The following ESRRG variants were observed in gnomAD, a reference collection of about 807,000 sequenced individuals.
ESRRG encodes estrogen-related receptor gamma.
Under a neutral mutation model 44.0 loss-of-function variants are expected in ESRRG, and 13 were observed. The observed-to-expected ratio is 0.30, with a 90% confidence interval of 0.19 to 0.47. The LOEUF is 0.47. Ranked by LOEUF, ESRRG falls within the 20% of genes least tolerant of loss-of-function variation. ESRRG has a pLI of 1.00. For missense variants in ESRRG, 395 were observed against 580.6 expected (o/e 0.68, Z 3.29); for synonymous variants, 215 against 214.6 (o/e 1.00, Z -0.02).
At chr1:216,727,616 T>C (rs1274082011), upstream of ESRRG, among the ~76,000 whole-genome samples, 1 of 152,116 alleles carries the variant, frequency 6.6e-6, no homozygotes, top group Non-Finnish European at 1.5e-5. Flanking sequence ...CTCTATCAAT[T>C]CATCATTCCT....
upstream of ESRRG, among the ~76,000 whole-genome samples, chr1:217,093,292 C>T (rs1377761136): frequency 6.6e-6 from 1 of 152,072 alleles, no homozygotes; most frequent in African/African-American, 2.4e-5. Context: ...CAAGGTCCCT[C>T]CAGCTCCAAG....
At chr1:217,081,614 G>A (rs2091776427) in intron 1 of ESRRG, among the ~76,000 whole-genome samples, 1 of 151,800 alleles carries the variant, frequency 6.6e-6, no homozygotes, top group African/African-American at 2.4e-5. Flanking sequence ...TTGTTTGGTT[G>A]GTTGGCATTT....
At chr1:216,963,817 C>T (rs1272109770) in intron 1 of ESRRG, among the ~76,000 whole-genome samples, 1 of 152,074 alleles carries the variant, frequency 6.6e-6, no homozygotes, top group Non-Finnish European at 1.5e-5. Context: ...CAGTCTCTGC[C>T]TCAAAGTGTC....
At chr1:216,690,145 T>C (rs2078796300) in intron 1 of ESRRG, among the ~76,000 whole-genome samples, 1 of 152,066 alleles carries the variant, frequency 6.6e-6, no homozygotes, top group African/African-American at 2.4e-5. Flanking sequence ...AAGAACTGCT[T>C]AGGAATGTGT....
intron 2 of ESRRG, among the ~76,000 whole-genome samples, chr1:216,923,339 A>G (rs527873680): frequency 1.3e-5 from 2 of 152,378 alleles, no homozygotes; most frequent in African/African-American, 4.8e-5. Context: ...CTTAATTAAC[A>G]TGCCTAAACT....
intron 3 of ESRRG, among the ~76,000 whole-genome samples, chr1:216,633,243 T>C (rs896027633): frequency 6.6e-6 from 1 of 152,192 alleles, no homozygotes; most frequent in Non-Finnish European, 1.5e-5. Flanking sequence ...GGATGATTTA[T>C]GCTCATAGTC....
chr1:216,716,343 T>C (rs2084873377), intron 1 of ESRRG, among the ~76,000 whole-genome samples: 1 of 152,048 alleles, frequency 6.6e-6, no homozygotes, highest in Non-Finnish European at 1.5e-5. Flanking sequence ...AAGCAAGCTG[T>C]TTTTTCATTA....
chr1:217,007,244 T>C (rs1209694286), intron 1 of ESRRG, among the ~76,000 whole-genome samples: 2 of 152,126 alleles, frequency 1.3e-5, no homozygotes, highest in Non-Finnish European at 2.9e-5. Context: ...GACTTCTCAA[T>C]TTTCCTGAAA....
intron 1 of ESRRG, among the ~76,000 whole-genome samples, chr1:216,986,129 C>T (rs1298548214): frequency 6.6e-6 from 1 of 152,166 alleles, no homozygotes; most frequent in African/African-American, 2.4e-5. Context: ...TTTCCCTCCA[C>T]ATGTCTCTTG....
intron 3 of ESRRG, among the ~76,000 whole-genome samples, chr1:216,627,303 C>T (rs530362045): frequency 1.3e-5 from 2 of 152,302 alleles, no homozygotes; most frequent in Admixed American, 6.5e-5. Context: ...AATCCTTTCT[C>T]TTTTACCAGG....
intron 1 of ESRRG, among the ~76,000 whole-genome samples, chr1:217,029,213 C>A (rs1003454902): frequency 5.9e-5 from 9 of 152,176 alleles, no homozygotes; most frequent in African/African-American, 1.7e-4. Context: ...TCAGCTTTTG[C>A]ATGATTAACC....
At chr1:216,898,149 C>G (rs2058639216) in intron 2 of ESRRG, among the ~76,000 whole-genome samples, 2 of 152,142 alleles carry the variant, frequency 1.3e-5, no homozygotes, top group South Asian at 4.1e-4. Flanking sequence ...GATTTTTAGT[C>G]AAACTAAGCA....
chr1:216,817,967 G>A (rs1012442333), intron 2 of ESRRG, among the ~76,000 whole-genome samples: 14 of 151,910 alleles, frequency 9.2e-5, no homozygotes, highest in African/African-American at 3.4e-4. Flanking sequence ...ACTGTATTCG[G>A]GATTTAAATA....
intron 1 of ESRRG, among the ~76,000 whole-genome samples, chr1:216,943,732 G>A (rs1041075694): frequency 2.6e-5 from 4 of 152,252 alleles, no homozygotes; most frequent in Middle Eastern, 3.4e-3. Flanking sequence ...TCATTCTGAA[G>A]ATAACCCTAG....
At chr1:217,029,046 T>G (rs1358958983) in intron 1 of ESRRG, among the ~76,000 whole-genome samples, 1 of 112,202 alleles carries the variant, frequency 8.9e-6, no homozygotes, top group East Asian at 2.5e-4. Context: ...TAAAATGAGC[T>G]CTCTGAAAAA....
intron 1 of ESRRG, among the ~76,000 whole-genome samples, chr1:217,134,919 G>A (rs80337688): frequency 0.022 from 3,301 of 152,350 alleles, 147 homozygotes; most frequent in African/African-American, 0.074. Context: ...GGCCGCAGCC[G>A]CTGGAAAAAG....
chr1:216,796,569 TAC>T (rs1254782352), intron 2 of ESRRG, among the ~76,000 whole-genome samples: 8 of 152,170 alleles, frequency 5.3e-5, no homozygotes, highest in Non-Finnish European at 1.2e-4. Flanking sequence ...TATTAATAAA[TAC>T]ACAGTCTTCC....
intron 1 of ESRRG, among the ~76,000 whole-genome samples, chr1:217,104,617 C>T (rs2092564180): frequency 6.6e-6 from 1 of 152,092 alleles, no homozygotes; most frequent in Admixed American, 6.6e-5. Context: ...ATATCCTCAT[C>T]TTATCAGTTG....
At chr1:216,896,406 A>C (rs956638904) in intron 2 of ESRRG, among the ~76,000 whole-genome samples, 5 of 152,218 alleles carry the variant, frequency 3.3e-5, no homozygotes, top group African/African-American at 1.2e-4. Flanking sequence ...TCCCCTTTAT[A>C]GGCTGATTTG....
Sources: allele counts gnomAD v4.1 joint callset (sites outside exome capture counted in the v4.1 genomes callset), GRCh38; gene constraint gnomAD v4.1.1; transcripts MANE v1.5; gene names NCBI Gene and HGNC (gene_info 2026-07-23, HGNC 2026-07-21).